WFDC1: variants seen among roughly 807,000 people sequenced by gnomAD.
The protein encoded by WFDC1 is WAP four-disulfide core domain 1.
A neutral mutation model predicts 32.9 loss-of-function variants in WFDC1; 39 were observed. The ratio of observed to expected loss-of-function variants is 1.19; its 90% confidence interval spans 0.92 to 1.55. The LOEUF (loss-of-function observed/expected upper bound fraction) is 1.55, where lower values mean the gene tolerates loss of function less well. Among genes scored for constraint, WFDC1 ranks in the 40% most tolerant of loss-of-function variants. The probability of loss-of-function intolerance (pLI) is 0.00; values close to 1 mark genes in which losing one functional copy is unlikely to be tolerated. For missense variants in WFDC1, 386 were observed against 309.5 expected (o/e 1.25, Z -1.85); for synonymous variants, 184 against 137.4 (o/e 1.34, Z -2.37).
intron 1 of WFDC1, among the ~76,000 whole-genome samples, chr16:84,302,163 C>T (rs1906979343): frequency 6.6e-6 from 1 of 152,058 alleles, no homozygotes; most frequent in Non-Finnish European, 1.5e-5. Context: ...AGAGGCAAAT[C>T]CAGCGGGACG....
chr16:84,309,464 C>T (rs432434), intron 1 of WFDC1, among the ~76,000 whole-genome samples: 3 of 151,508 alleles, frequency 2.0e-5, no homozygotes, highest in African/African-American at 7.3e-5. Context: ...AGGCCAGGGA[C>T]GAGGCCACTG....
At chr16:84,316,276 C>T (rs1331924373) in intron 2 of WFDC1, 1 of 152,186 alleles carries the variant, frequency 6.6e-6, no homozygotes. Flanking sequence ...GCGAGTGCTC[C>T]TTTACAGAAA....
chr16:84,309,080 C>G (rs1907453782), intron 1 of WFDC1, among the ~76,000 whole-genome samples: 1 of 152,182 alleles, frequency 6.6e-6, no homozygotes, highest in Admixed American at 6.5e-5. Context: ...AGGCCGTTAG[C>G]TGTGGAGCCC....
At chr16:84,300,808 A>G (rs1467577224) in intron 1 of WFDC1, among the ~76,000 whole-genome samples, 3 of 152,144 alleles carry the variant, frequency 2.0e-5, no homozygotes, top group Non-Finnish European at 2.9e-5. Context: ...TGTCTCTACT[A>G]AAAATACAAA....
intron 2 of WFDC1, among the ~76,000 whole-genome samples, chr16:84,314,906 A>C (rs569807637): frequency 2.0e-5 from 3 of 152,242 alleles, no homozygotes; most frequent in Non-Finnish European, 4.4e-5. Flanking sequence ...ATACAACTGT[A>C]CATGGCATTC....
intron 1 of WFDC1, among the ~76,000 whole-genome samples, chr16:84,297,683 T>G (rs1474312098): frequency 6.8e-6 from 1 of 147,750 alleles, no homozygotes; most frequent in Non-Finnish European, 1.5e-5. Flanking sequence ...GAAGACAGGC[T>G]GTTCGCCTGT....
intron 1 of WFDC1, 38 bp downstream of exon 1, chr16:84,295,153 T>C: frequency 6.2e-7 from 1 of 1,606,386 alleles, no homozygotes; most frequent in Non-Finnish European, 8.5e-7. Context: ...GCAGCCTGTG[T>C]GGGTGGGAGT....
chr16:84,309,696 G>GC lies in WFDC1; in HGVS notation c.145-3258dup, dbSNP rs201591256. 3.4e-3 allele frequency among the ~76,000 whole-genome samples: 511 copies of GC among 151,984 alleles called. 3 individuals are homozygous for GC. Among genetic ancestry groups the GC allele is most frequent in the African/African-American group, 0.012 (483 of 41,424 alleles). On this transcript the variant is annotated intron_variant, in intron 1 of 6. Transcript: ENST00000219454. ...GAGATCAAGGGGTCAGCAGAGCCGCGCCCCCCCAACTCCAGAGGTTCCTTC... is the reference window on the plus strand; with the variant it reads ...GAGATCAAGGGGTCAGCAGAGCCGCGCCCCCCCCAACTCCAGAGGTTCCTTC...
intron 4 of WFDC1, among the ~76,000 whole-genome samples, chr16:84,320,665 A>G (rs1304096613): frequency 1.3e-5 from 2 of 152,186 alleles, no homozygotes; most frequent in African/African-American, 2.4e-5. Flanking sequence ...TGAGCCAGGA[A>G]TCTGGGACTT....
At chr16:84,307,311 C>T (rs1907321755) in intron 1 of WFDC1, among the ~76,000 whole-genome samples, 1 of 152,280 alleles carries the variant, frequency 6.6e-6, no homozygotes, top group Admixed American at 6.5e-5. Flanking sequence ...TGTTTAGAAC[C>T]CTCTTTGAGT....
At chr16:84,313,267 C>T (rs763550349) in intron 2 of WFDC1, 114 bp downstream of exon 2, 27 of 1,033,876 alleles carry the variant, frequency 2.6e-5, no homozygotes, top group Non-Finnish European at 3.0e-5. Flanking sequence ...GGGCGGGTCT[C>T]GGGCGCCTCC....
chr16:84,315,631 G>A (rs573429174), intron 2 of WFDC1, among the ~76,000 whole-genome samples: 41 of 152,268 alleles, frequency 2.7e-4, no homozygotes, highest in Non-Finnish European at 4.1e-4. Flanking sequence ...GCGCTCTCCC[G>A]TGCACTGTAG....
At chr16:84,324,204 G>C (rs1908458042) in intron 4 of WFDC1, among the ~76,000 whole-genome samples, 1 of 152,140 alleles carries the variant, frequency 6.6e-6, no homozygotes, top group African/African-American at 2.4e-5. Context: ...AGATCTCACA[G>C]GGCTTTCCTT....
intron 1 of WFDC1, among the ~76,000 whole-genome samples, chr16:84,305,316 C>A (rs1476164794): frequency 6.6e-6 from 1 of 152,208 alleles, no homozygotes; most frequent in Non-Finnish European, 1.5e-5. Context: ...GCAGTGGTAC[C>A]TACTGGGGAG....
rs748031751 is a variant in WFDC1 at position 84,318,263 on chromosome 16, TTG to T, written c.338-5_338-4del. ...AGGAGGGCCCTGATCTGACCCCGTA[TTG>T]TGTTAGTCTTAGACTGGCTGGTGCA... On this transcript the variant is annotated splice_polypyrimidine_tract_variant and splice_region_variant and intron_variant, in intron 2 of 6. Coordinates refer to ENST00000219454, the MANE Select transcript of WFDC1 (RefSeq NM_021197.4). 6.2e-7 allele frequency: 1 copy of T among 1,613,836 alleles called. No individual in the cohort carries two copies. The highest frequency in any genetic ancestry group is 2.2e-5 in the East Asian group (1 of 44,866).
chr16:84,324,123 G>GA (rs60988353), intron 4 of WFDC1, among the ~76,000 whole-genome samples: 4 of 149,498 alleles, frequency 2.7e-5, no homozygotes, highest in East Asian at 3.9e-4. Flanking sequence ...TCGTCTAAAA[G>GA]AAAAAAAAAA....
intron 2 of WFDC1, 100 bp downstream of exon 2, chr16:84,313,253 A>G: frequency 8.3e-7 from 1 of 1,197,962 alleles, no homozygotes; most frequent in Non-Finnish European, 1.1e-6. Flanking sequence ...AAGCTGGGCC[A>G]CCTGGGCGGG....
chr16:84,302,991 G>A (rs1250404470), intron 1 of WFDC1, among the ~76,000 whole-genome samples: 1 of 151,534 alleles, frequency 6.6e-6, no homozygotes, highest in African/African-American at 2.4e-5. Flanking sequence ...AGACTTGGTC[G>A]ACTTTGCCGT....
chr16:84,297,945 C>T (rs1003831889), intron 1 of WFDC1, among the ~76,000 whole-genome samples: 3 of 152,230 alleles, frequency 2.0e-5, no homozygotes, highest in East Asian at 1.9e-4. Flanking sequence ...CCTCACCCTA[C>T]GCTGAGTGAG....
Sources: allele counts gnomAD v4.1 joint callset (sites outside exome capture counted in the v4.1 genomes callset), GRCh38; gene constraint gnomAD v4.1.1; transcripts MANE v1.5; gene names NCBI Gene and HGNC (gene_info 2026-07-23, HGNC 2026-07-21).